SLAMF6: variants seen among roughly 807,000 people sequenced by gnomAD.
SLAMF6 encodes the protein SLAM family member 6, also known as NK-T-B-antigen.
In SLAMF6, 21 loss-of-function variants were observed where a neutral mutation model predicts 38.3. The ratio of observed to expected loss-of-function variants is 0.55; its 90% confidence interval spans 0.39 to 0.79. The LOEUF (loss-of-function observed/expected upper bound fraction) is 0.79. SLAMF6 is among the 30% of genes least tolerant of loss of function. The probability of loss-of-function intolerance (pLI) is 0.00; values close to 1 mark genes in which losing one functional copy is unlikely to be tolerated. For missense variants in SLAMF6, 341 were observed against 385.3 expected, an observed-to-expected ratio of 0.89 and a Z score of 0.96; for synonymous variants, 152 against 146.3, an observed-to-expected ratio of 1.04 and a Z score of -0.28.
At chr1:160,494,311 C>A (rs748966214) in intron 2 of SLAMF6, among the ~76,000 whole-genome samples, 1 of 152,242 alleles carries the variant, frequency 6.6e-6, no homozygotes, top group South Asian at 2.1e-4. Flanking sequence ...ATAAGTCATA[C>A]CTGGTCTTCT....
chr1:160,489,337 C>A (rs577093611), intron 5 of SLAMF6, 167 bp from the exon 6 acceptor site: 7 of 176,614 alleles, frequency 4.0e-5, no homozygotes, highest in Non-Finnish European at 6.6e-5. Context: ...TCTGGGTGAA[C>A]CTTCTCAGTC....
intron 7 of SLAMF6, 46 bp from the exon 8 acceptor site, chr1:160,486,800 C>G (rs953824056): frequency 6.2e-7 from 1 of 1,603,220 alleles, no homozygotes; most frequent in Non-Finnish European, 8.5e-7. Context: ...GGAACTGGAA[C>G]CTCAGCCCAC....
intron 1 of SLAMF6, among the ~76,000 whole-genome samples, chr1:160,521,441 A>G (rs1286456696): frequency 1.3e-5 from 2 of 152,182 alleles, no homozygotes; most frequent in African/African-American, 4.8e-5. Flanking sequence ...TAACACAAGG[A>G]CATTCAGAAT....
chr1:160,487,972 C>T (rs147317809), intron 6 of SLAMF6, among the ~76,000 whole-genome samples: 1,539 of 151,852 alleles, frequency 0.01, 8 homozygotes, highest in Non-Finnish European at 0.016. Flanking sequence ...CGCCTGTAGT[C>T]GCAGCTACTT....
chr1:160,485,538 T>C lies in SLAMF6; in HGVS notation c.*1169A>G, dbSNP rs1038167323. ...CTGAAAGAAGATCAGGGAGGCTACA[T>C]AGAGAGTGTCAGAAGGGTAATGCTA... On this transcript the variant is annotated 3_prime_UTR_variant, in exon 8 of 8. Transcript: ENST00000368057. 1.3e-5 allele frequency: 2 copies of C among 152,208 alleles called. No individual in the cohort carries two copies. Among genetic ancestry groups the C allele is most frequent in the African/African-American group, 4.8e-5 (2 of 41,412 alleles). The allele number at this position is 152,208 out of a possible 1,614,324, so 9.4% of individuals were successfully genotyped here. A position where few individuals can be genotyped will look rare whatever the true frequency, so the allele number is the denominator to read the frequency against.
intron 1 of SLAMF6, among the ~76,000 whole-genome samples, chr1:160,502,279 C>A (rs1334959545): frequency 6.6e-6 from 1 of 152,202 alleles, no homozygotes; most frequent in African/African-American, 2.4e-5. Context: ...CTCATGTTGG[C>A]TACAACTCGT....
intron 1 of SLAMF6, among the ~76,000 whole-genome samples, chr1:160,509,160 A>G (rs1211922433): frequency 4.6e-5 from 7 of 152,242 alleles, no homozygotes; most frequent in Non-Finnish European, 1.0e-4. Context: ...CTGGGTATAA[A>G]CCCAAAGGAT....
intron 1 of SLAMF6, among the ~76,000 whole-genome samples, chr1:160,517,064 C>T (rs559017414): frequency 9.9e-5 from 15 of 151,886 alleles, no homozygotes; most frequent in Non-Finnish European, 2.1e-4. Flanking sequence ...ATTATCAGAG[C>T]CAAGAGGCAA....
Position 160,491,170 on chromosome 1 carries a change from C to T in SLAMF6, c.601G>A (p.Val201Ile). 1 of 1,614,078 alleles carries T rather than the reference C, an allele frequency of 6.2e-7. No homozygotes were observed. Among genetic ancestry groups the T allele is most frequent in the Non-Finnish European group, 8.5e-7 (1 of 1,179,970 alleles). ...QDYTCIAENA[V>I]SNLSFSVSAQ... is the part of the protein sequence containing the mutation. ...GAGACAGAGAAGGATAAATTACTGA[C>T]AGCATTCTCTGCTATGCAGGTGTAG... is the stretch of plus-strand genomic sequence containing the variant. Residue 201 changes from valine (V) to isoleucine (I), a missense_variant, in exon 3 of 8, where the codon GTC becomes ATC. By Grantham distance (29) the Val-to-Ile change is conservative. Transcript: ENST00000368057.
At chr1:160,505,408 C>T (rs1654129871) in intron 1 of SLAMF6, among the ~76,000 whole-genome samples, 2 of 151,624 alleles carry the variant, frequency 1.3e-5, no homozygotes, top group South Asian at 4.1e-4. Flanking sequence ...TTTAAGTCAA[C>T]TGTCTTTTTT....
intron 1 of SLAMF6, among the ~76,000 whole-genome samples, chr1:160,521,841 G>C (rs541179109): frequency 1.1e-4 from 16 of 151,976 alleles, no homozygotes; most frequent in Non-Finnish European, 2.1e-4. Flanking sequence ...TTTCACTGCC[G>C]TCTTTACCAT....
chr1:160,496,621 A>G (rs1431559956), intron 1 of SLAMF6, among the ~76,000 whole-genome samples: 1 of 152,166 alleles, frequency 6.6e-6, no homozygotes, highest in Non-Finnish European at 1.5e-5. Flanking sequence ...CAGCTAGTCT[A>G]GATGAAACCG....
chr1:160,488,310 G>C (rs772728957), intron 6 of SLAMF6, among the ~76,000 whole-genome samples: 1 of 152,092 alleles, frequency 6.6e-6, no homozygotes, highest in Non-Finnish European at 1.5e-5. Context: ...ACCCCTTCTT[G>C]CTTCCTGTCA....
In SLAMF6 at chr1:160,487,569, T is replaced by C. The variant is rs553837210; in HGVS notation, c.880-394A>G. ...AATTTTTACTAGCTATGACTGAAAC[T>C]ACCCATTTTGCCTGCTCCATCTTTT... On this transcript the variant is annotated intron_variant, in intron 6 of 7. Coordinates refer to ENST00000368057, the MANE Select transcript of SLAMF6 (RefSeq NM_001184714.2). Among the ~76,000 whole-genome samples the C allele has an allele frequency of 4.6e-5, 7 of 152,318 alleles. No homozygotes were observed. The East Asian group carries it at 1.3e-3, about 29-fold the overall frequency.
intron 2 of SLAMF6, among the ~76,000 whole-genome samples, chr1:160,493,098 A>G (rs1653390478): frequency 6.6e-6 from 1 of 152,226 alleles, no homozygotes; most frequent in Admixed American, 6.5e-5. Flanking sequence ...CACTGAGAGT[A>G]GATGCCAAAG....
At position 160,486,450 on chromosome 1, in the gene SLAMF6, T is replaced by C. The variant is rs1652967295; in HGVS notation, c.*257A>G. 1 of 444,720 alleles carries C rather than the reference T, an allele frequency of 2.2e-6. No homozygotes were observed. The highest frequency in any genetic ancestry group is 4.1e-6 in the Non-Finnish European group (1 of 244,086). The allele number at this position is 444,720 out of a possible 1,614,324, so 27.5% of individuals were successfully genotyped here. On this transcript the variant is annotated 3_prime_UTR_variant, in exon 8 of 8. Transcript: ENST00000368057. Reference sequence around the variant, plus strand: ...ATCAAAGAGAGAGTCAATGTGCTGGTGTGTTATCTTTAGCATGTTTTGGCC... The same window carrying C: ...ATCAAAGAGAGAGTCAATGTGCTGGCGTGTTATCTTTAGCATGTTTTGGCC...
At chr1:160,490,090 T>C in intron 5 of SLAMF6, 108 bp downstream of exon 5, 2 of 1,266,466 alleles carry the variant, frequency 1.6e-6, no homozygotes, top group Middle Eastern at 1.9e-4. Context: ...GTAATGACAT[T>C]CTGACTCCTT....
chr1:160,503,275 G>A (rs1654007177), intron 1 of SLAMF6, among the ~76,000 whole-genome samples: 1 of 152,122 alleles, frequency 6.6e-6, no homozygotes, highest in Non-Finnish European at 1.5e-5. Context: ...GAATTTGTTA[G>A]GAAACTGACA....
intron 2 of SLAMF6, among the ~76,000 whole-genome samples, chr1:160,492,389 T>C (rs1571284491): frequency 6.6e-6 from 1 of 152,292 alleles, no homozygotes; most frequent in Admixed American, 6.5e-5. Context: ...AAGACCTGAA[T>C]TTTGTAATTT....
Sources: gnomAD v4.1 joint callset for allele counts (sites outside exome capture counted in the v4.1 genomes callset) on GRCh38, gnomAD v4.1.1 for gene constraint, MANE v1.5 for transcripts, NCBI Gene and HGNC (gene_info 2026-07-23, HGNC 2026-07-21) for gene names.